KCNA6: variants seen among roughly 807,000 people sequenced by gnomAD.
The protein encoded by KCNA6 is human brain potassium channel-2.
A neutral mutation model predicts 29.5 loss-of-function variants in KCNA6; 17 were observed. The observed-to-expected ratio is 0.58, with a 90% CI of 0.39 to 0.86. The LOEUF (loss-of-function observed/expected upper bound fraction) is 0.86. Among genes scored for constraint, KCNA6 ranks in the 40% least tolerant of loss-of-function variants. The probability of loss-of-function intolerance (pLI) is 0.00; values close to 1 mark genes in which losing one functional copy is unlikely to be tolerated. For missense variants in KCNA6, 450 were observed against 703.4 expected (o/e 0.64, Z 4.07); for synonymous variants, 296 against 304.7 (o/e 0.97, Z 0.30).
the KCNA6 span, among the ~76,000 whole-genome samples, chr12:4,843,106 G>A: frequency 6.6e-5 from 10 of 152,052 alleles, no homozygotes; most frequent in Non-Finnish European, 1.0e-4. Context: ...TAATTCAATA[G>A]TCACTTCATT....
chr12:4,816,553 C>T (rs1039315131), downstream of KCNA6, among the ~76,000 whole-genome samples: 2 of 152,196 alleles, frequency 1.3e-5, no homozygotes, highest in South Asian at 4.2e-4. Flanking sequence ...CTAAAAACCC[C>T]ACCAAATCCC....
chr12:4,818,865 T>C, the KCNA6 span, among the ~76,000 whole-genome samples: 134 of 90,112 alleles, frequency 1.5e-3, no homozygotes, highest in African/African-American at 5.7e-4. Flanking sequence ...CACACACACA[T>C]ATGCATATAC....
chr12:4,845,266 A>G, the KCNA6 span, among the ~76,000 whole-genome samples: 1 of 152,230 alleles, frequency 6.6e-6, no homozygotes, highest in African/African-American at 2.4e-5. Context: ...CATGCCTAAA[A>G]ATGCCTTTAT....
Position 4,810,524 on chromosome 12 carries a change from G to A in KCNA6, c.483G>A (p.Trp161Ter). Residue 161 changes from tryptophan to a stop codon, truncating the protein, a stop_gained, in exon 1 of 1, where the codon TGG becomes TGA. Transcript: ENST00000280684. LOFTEE classifies it high-confidence loss of function. The surrounding 1 kb of genome is among the most constrained non-coding windows in gnomAD (Gnocchi z 7.5). ...CCCAGCCCTTCCAGCGCCAGGTGTG[G>A]CTGCTCTTTGAGTACCCAGAGAGCT... The A allele has an allele frequency of 1.9e-6, 3 of 1,614,154 alleles. No individual in the cohort carries two copies. The highest frequency in any genetic ancestry group is 2.5e-6 in the Non-Finnish European group (3 of 1,180,038).
chr12:4,841,684 TG>T, the KCNA6 span, among the ~76,000 whole-genome samples: 2 of 152,216 alleles, frequency 1.3e-5, no homozygotes, highest in Admixed American at 1.3e-4. Flanking sequence ...CATGATCTTT[TG>T]CACACTTTCT....
chr12:4,810,333 T>C lies in KCNA6; in HGVS notation c.292T>C (p.Tyr98His). ...CCGGCCCAGCTTCGACGCCATCCTC[T>C]ACTACTACCAGTCTGGGGGCCGCCT... is the stretch of plus-strand genomic sequence containing the variant. The change falls in exon 1 of 1, where the codon TAC becomes CAC. Residue 98 changes from tyrosine to histidine, a missense_variant. By Grantham distance (83) the Tyr-to-His change is moderately conservative. Transcript: ENST00000280684. This position sits in a 1 kb window ranked among gnomAD's most constrained non-coding sequence, Gnocchi z 7.5. The C allele has an allele frequency of 1.2e-6, 2 of 1,614,126 alleles. No individual in the cohort carries two copies. Among genetic ancestry groups the C allele is most frequent in the Admixed American group, 1.7e-5 (1 of 60,030 alleles).
the KCNA6 span, among the ~76,000 whole-genome samples, chr12:4,833,878 TGTC>T: frequency 3.9e-5 from 5 of 126,954 alleles, no homozygotes; most frequent in East Asian, 1.9e-4. Flanking sequence ...GGGAGGGACT[TGTC>T]TTCTTCTTCT....
chr12:4,840,390 A>G, the KCNA6 span, among the ~76,000 whole-genome samples: 3 of 152,184 alleles, frequency 2.0e-5, no homozygotes, highest in African/African-American at 4.8e-5. Flanking sequence ...AAAAAGCTCA[A>G]TATCACTCAT....
chr12:4,837,352 G>A, the KCNA6 span, among the ~76,000 whole-genome samples: 1 of 152,304 alleles, frequency 6.6e-6, no homozygotes, highest in East Asian at 1.9e-4. Flanking sequence ...AGTTCTGTGA[G>A]CCACTCTAGC....
the KCNA6 span, among the ~76,000 whole-genome samples, chr12:4,823,285 A>T: frequency 1.3e-5 from 2 of 152,112 alleles, no homozygotes; most frequent in Non-Finnish European, 2.9e-5. Flanking sequence ...TAGAAAAATG[A>T]ATTTAAACTA....
chr12:4,840,364 G>C, the KCNA6 span, among the ~76,000 whole-genome samples: 2 of 152,068 alleles, frequency 1.3e-5, no homozygotes, highest in Admixed American at 1.3e-4. Flanking sequence ...CATGCACGTG[G>C]TCAATAAGCA....
the KCNA6 span, among the ~76,000 whole-genome samples, chr12:4,845,650 G>T: frequency 6.6e-6 from 1 of 152,268 alleles, no homozygotes; most frequent in East Asian, 1.9e-4. Context: ...AATGTACCTG[G>T]TGTCCTTTTT....
At chr12:4,820,995 G>A in the KCNA6 span, among the ~76,000 whole-genome samples, 3 of 152,158 alleles carry the variant, frequency 2.0e-5, no homozygotes, top group East Asian at 1.9e-4. Flanking sequence ...ATTTTATAGC[G>A]GAAAGAAGGG....
At chr12:4,831,956 G>A in the KCNA6 span, among the ~76,000 whole-genome samples, 1 of 152,182 alleles carries the variant, frequency 6.6e-6, no homozygotes, top group Admixed American at 6.5e-5. Context: ...GAAACATGGT[G>A]AGGGTGTTCT....
the KCNA6 span, among the ~76,000 whole-genome samples, chr12:4,822,490 A>C: frequency 6.6e-6 from 1 of 152,226 alleles, no homozygotes; most frequent in Non-Finnish European, 1.5e-5. Context: ...CATGAGAGAC[A>C]GGACTGTGAG....
At chr12:4,830,651 T>G in the KCNA6 span, among the ~76,000 whole-genome samples, 4 of 152,268 alleles carry the variant, frequency 2.6e-5, no homozygotes, top group African/African-American at 9.6e-5. Flanking sequence ...CTCTTTACTG[T>G]TCCTCTCCTT....
At chr12:4,828,311 G>A in the KCNA6 span, among the ~76,000 whole-genome samples, 1 of 152,216 alleles carries the variant, frequency 6.6e-6, no homozygotes, top group African/African-American at 2.4e-5. Context: ...CATCTGAAAA[G>A]CTTCATATTA....
chr12:4,818,271 G>C (rs2137585079), downstream of KCNA6, among the ~76,000 whole-genome samples: 1 of 152,342 alleles, frequency 6.6e-6, no homozygotes, highest in South Asian at 2.1e-4. Context: ...TTCATTTACA[G>C]AACATTGTCA....
At chr12:4,850,832 C>T in the KCNA6 span, 2 of 453,908 alleles carry the variant, frequency 4.4e-6, no homozygotes, top group East Asian at 1.4e-4. This position sits in a 1 kb window ranked among gnomAD's most constrained non-coding sequence, Gnocchi z 5.4. Context: ...GAGAACCCTG[C>T]CTGGCACCGC....
Sources: gnomAD v4.1 joint callset for allele counts (sites outside exome capture counted in the v4.1 genomes callset) on GRCh38, gnomAD v4.1.1 for gene constraint, Gnocchi (gnomAD v3.1) non-coding constraint, MANE v1.5 for transcripts, NCBI Gene and HGNC (gene_info 2026-07-23, HGNC 2026-07-21) for gene names.